The following STN1 variants were observed in gnomAD, a reference collection of about 807,000 sequenced individuals.
STN1 encodes the protein CST complex subunit STN1.
A neutral mutation model predicts 45.5 loss-of-function variants in STN1; 29 were observed. The ratio of observed to expected loss-of-function variants is 0.64; its 90% confidence interval spans 0.47 to 0.87. STN1 has a LOEUF of 0.87. Ranked by LOEUF, STN1 falls within the 40% of genes least tolerant of loss-of-function variation. The pLI is 0.00. For missense variants in STN1, 376 were observed against 441.4 expected (o/e 0.85, Z 1.33); for synonymous variants, 148 against 159.0 (o/e 0.93, Z 0.52).
intron 2 of STN1, among the ~76,000 whole-genome samples, chr10:103,914,039 G>A (rs904271732): frequency 3.3e-5 from 5 of 152,064 alleles, no homozygotes; most frequent in Admixed American, 6.5e-5. Flanking sequence ...CTTTTTAAAA[G>A]TACTTTTGAT....
rs1292259430 is a variant in STN1 at position 103,903,344 on chromosome 10, C to T, written c.295+1747G>A. 2.0e-5 allele frequency among the ~76,000 whole-genome samples: 3 copies of T among 152,138 alleles called. No homozygotes were observed. In the East Asian group the frequency reaches 5.8e-4, roughly 29 times the overall value. On this transcript the variant is annotated intron_variant, in intron 4 of 9. Coordinates refer to ENST00000224950, the MANE Select transcript of STN1 (RefSeq NM_024928.5). The stretch of plus-strand genomic sequence containing the variant: ...TACACCTTCTGACTGAAGATTGTGA[C>T]AACAACCAAAAATCTGCAAATGATT...
At chr10:103,889,353 C>T (rs1843123783) in intron 8 of STN1, among the ~76,000 whole-genome samples, 1 of 151,906 alleles carries the variant, frequency 6.6e-6, no homozygotes, top group South Asian at 2.1e-4. Flanking sequence ...TTCATTGGGG[C>T]AATGAGGTTA....
Position 103,917,447 on chromosome 10 carries a change from T to C in STN1, c.133+15A>G, listed in dbSNP as rs1443202041. The C allele has an allele frequency of 6.2e-6, 10 of 1,610,770 alleles. No homozygotes were observed. The highest frequency in any genetic ancestry group is 8.5e-6 in the Non-Finnish European group (10 of 1,178,326). The stretch of plus-strand genomic sequence containing the variant: ...AGATGCAGCCCAGGGCATCCCAGGG[T>C]GGCTAGCCACATACCTGGCACCTGG... On this transcript the variant is annotated intron_variant, in intron 2 of 9. Coordinates refer to ENST00000224950, the MANE Select transcript of STN1 (RefSeq NM_024928.5).
In STN1 at chr10:103,904,031, C is replaced by T. The variant is rs368476256; in HGVS notation, c.295+1060G>A. Among the ~76,000 whole-genome samples, 18 of 148,284 alleles carry T rather than the reference C, an allele frequency of 1.2e-4. No individual in the cohort carries two copies. In the East Asian group the frequency reaches 3.0e-3, roughly 25 times the overall value. ...TTAAGCAAATGAGCATTCCATTGATCGGTATAGTCAAAGTACAAAGTTGAG... is the reference window on the plus strand; with the variant it reads ...TTAAGCAAATGAGCATTCCATTGATTGGTATAGTCAAAGTACAAAGTTGAG... On this transcript the variant is annotated intron_variant, in intron 4 of 9. Coordinates refer to ENST00000224950, the MANE Select transcript of STN1 (RefSeq NM_024928.5).
At chr10:103,891,979 T>C (rs1033843244) in intron 8 of STN1, 151 bp downstream of exon 8, 21 of 616,394 alleles carry the variant, frequency 3.4e-5, no homozygotes, top group Middle Eastern at 4.5e-4. Context: ...TTAAAAGAGA[T>C]ACCTCGGGGA....
intron 7 of STN1, 48 bp downstream of exon 7, chr10:103,897,500 G>C (rs1843178284): frequency 6.4e-7 from 1 of 1,551,126 alleles, no homozygotes; most frequent in African/African-American, 1.4e-5. Context: ...TGCAGTTGCA[G>C]ATCTGGGGCA....
chr10:103,910,539 A>G lies in STN1; in HGVS notation c.217T>C (p.Tyr73His), dbSNP rs1180481464. Residue 73 changes from tyrosine (Y) to histidine (H), a missense_variant, in exon 3 of 10, where the codon TAC becomes CAC. By Grantham distance (83) the Tyr-to-His change is moderately conservative. Transcript: ENST00000224950. ...CAATTGTTCTTACCTCCATAACTGT[A>G]GAAAGCATCTCTTTCTCTCACTCCA... ...VIGVRERDAF[Y>H]SYGVDDSTGV... 6.2e-7 allele frequency: 1 copy of G among 1,600,512 alleles called. No homozygotes were observed. Among genetic ancestry groups the G allele is most frequent in the Admixed American group, 1.7e-5 (1 of 59,982 alleles).
chr10:103,905,048 A>G (rs754362907), intron 4 of STN1, 43 bp downstream of exon 4: 25 of 1,542,628 alleles, frequency 1.6e-5, no homozygotes, highest in Admixed American at 6.7e-5. Flanking sequence ...AGTAAAATCC[A>G]TTAGTTAGGT....
Position 103,917,660 on chromosome 10 carries a change from G to A in STN1, c.-62-4C>T. 6.4e-7 allele frequency: 1 copy of A among 1,556,680 alleles called. No individual in the cohort carries two copies. Among genetic ancestry groups the A allele is most frequent in the South Asian group, 1.2e-5 (1 of 85,788 alleles). On this transcript the variant is annotated splice_region_variant and splice_polypyrimidine_tract_variant and intron_variant, in intron 1 of 9. Coordinates refer to ENST00000224950, the MANE Select transcript of STN1 (RefSeq NM_024928.5). ...TCTGCATCACTGAGTCAAGCATCTA[G>A]ATGGGACACAGAAATGAGGATGCAA...
intron 3 of STN1, among the ~76,000 whole-genome samples, chr10:103,909,446 ATATATGTATATATG>A (rs1564635055): frequency 4.7e-5 from 4 of 85,440 alleles, no homozygotes; most frequent in Non-Finnish European, 9.5e-5. Flanking sequence ...ATATATATGT[ATATATGTATATATG>A]TATATATATG....
At chr10:103,897,235 A>C (rs1046253369) in intron 7 of STN1, among the ~76,000 whole-genome samples, 1 of 152,090 alleles carries the variant, frequency 6.6e-6, no homozygotes, top group African/African-American at 2.4e-5. Flanking sequence ...GTGATGGCAC[A>C]TGCCTGTGGT....
chr10:103,914,374 A>ATATATATATTTT (rs1554837551), intron 2 of STN1, among the ~76,000 whole-genome samples: 1 of 97,416 alleles, frequency 1.0e-5, no homozygotes, highest in African/African-American at 4.9e-5. Context: ...ATATATATAT[A>ATATATATATTTT]TTTTTTTTTT....
In STN1 at chr10:103,909,416, GTATATATGTATATATATGTA is replaced by G. The variant is rs1469429629; in HGVS notation, c.229+1091_229+1110del. 7.5e-4 allele frequency among the ~76,000 whole-genome samples: 34 copies of G among 45,506 alleles called. No homozygotes were observed. In the South Asian group the frequency reaches 0.013, roughly 18 times the overall value. 29.9% of individuals were successfully genotyped at this position (45,506 alleles called of 152,430 possible). On this transcript the variant is annotated intron_variant, in intron 3 of 9. Coordinates refer to ENST00000224950, the MANE Select transcript of STN1 (RefSeq NM_024928.5). ...TATATATGTATATATATGTATATAT[GTATATATGTATATATATGTA>G]TATATATGTATATATGTATATATGT...
intron 9 of STN1, among the ~76,000 whole-genome samples, chr10:103,885,993 T>A (rs1320391211): frequency 6.6e-6 from 1 of 152,116 alleles, no homozygotes; most frequent in African/African-American, 2.4e-5. Flanking sequence ...GAGACCCAAA[T>A]GACATAAAGA....
intron 2 of STN1, among the ~76,000 whole-genome samples, chr10:103,912,497 A>G (rs547091979): frequency 1.3e-5 from 2 of 152,334 alleles, no homozygotes; most frequent in South Asian, 4.1e-4. Context: ...GAGAAGGGAG[A>G]TCCCTGTGTC....
At position 103,882,592 on chromosome 10, in the gene STN1, A is replaced by G. The variant is rs1026489649; in HGVS notation, c.*92T>C. On this transcript the variant is annotated 3_prime_UTR_variant, in exon 10 of 10. Coordinates refer to ENST00000224950, the MANE Select transcript of STN1 (RefSeq NM_024928.5). ...TTTATTATGAGGTAACTGCCTCCAG[A>G]CAGATAAGCCCCTGCATGATGCTGA... 1.5e-6 allele frequency: 2 copies of G among 1,334,360 alleles called. No homozygotes were observed. The highest frequency in any genetic ancestry group is 4.8e-5 in the East Asian group (2 of 42,000). The allele number at this position is 1,334,360 out of a possible 1,614,324, so 82.7% of individuals were successfully genotyped here. A position where few individuals can be genotyped will look rare whatever the true frequency, so the allele number is the denominator to read the frequency against.
rs905782151 is a variant in STN1 at position 103,877,857 on chromosome 10, T to C, written c.*4827A>G. On this transcript the variant is annotated 3_prime_UTR_variant, in exon 10 of 10. Coordinates refer to ENST00000224950, the MANE Select transcript of STN1 (RefSeq NM_024928.5). ...GAGCCTTATCACAGTCTTTCTGAGT[T>C]TGCCTGTATGCTTCACATAAATGTA... 1.3e-5 allele frequency: 2 copies of C among 152,254 alleles called. No individual in the cohort carries two copies. The highest frequency in any genetic ancestry group is 6.5e-5 in the Admixed American group (1 of 15,290). 9.4% of individuals were successfully genotyped at this position (152,254 alleles called of 1,614,324 possible).
chr10:103,916,146 A>C (rs1843329618), intron 2 of STN1, among the ~76,000 whole-genome samples: 1 of 152,196 alleles, frequency 6.6e-6, no homozygotes, highest in Non-Finnish European at 1.5e-5. Flanking sequence ...CATTTTTAAA[A>C]CACCTTGGAA....
intron 4 of STN1, among the ~76,000 whole-genome samples, chr10:103,902,693 T>C (rs1843217138): frequency 1.3e-5 from 2 of 152,198 alleles, no homozygotes. Flanking sequence ...TTTAACTGAG[T>C]GGAACATGAT....
Sources: gnomAD v4.1 joint callset for allele counts (sites outside exome capture counted in the v4.1 genomes callset) on GRCh38, gnomAD v4.1.1 for gene constraint, MANE v1.5 for transcripts, NCBI Gene and HGNC (gene_info 2026-07-23, HGNC 2026-07-21) for gene names.